The following TAFA1 variants were observed in gnomAD, a reference collection of about 807,000 sequenced individuals.
TAFA1 encodes TAFA chemokine like family member 1, also known as chemokine-like protein TAFA-1.
Under a neutral mutation model 18.5 loss-of-function variants are expected in TAFA1, and 4 were observed. The ratio of observed to expected loss-of-function variants is 0.22; its 90% CI spans 0.11 to 0.49. The LOEUF is 0.49. TAFA1 is among the 20% of genes least tolerant of loss of function. The pLI, the probability that TAFA1 is intolerant of heterozygous loss-of-function variation, is 0.98. For synonymous variants in TAFA1, 56 were observed against 55.2 expected (o/e 1.01, Z -0.06); for missense variants, 147 against 169.0 (o/e 0.87, Z 0.72).
rs367580466 is a variant in TAFA1 at position 68,046,248 on chromosome 3, AT to A, written c.118+39512del. 2.8e-4 allele frequency among the ~76,000 whole-genome samples: 43 copies of A among 152,036 alleles called. No homozygotes were observed. The South Asian group carries it at 7.7e-3, about 27-fold the overall frequency. On this transcript the variant is annotated intron_variant, in intron 2 of 4. Coordinates refer to ENST00000478136, the MANE Select transcript of TAFA1 (RefSeq NM_213609.4). ...AAAAATTGGAACACAGGTCTAGATGATTTTTTTTGTATTGCTGCCTATATTG... is the reference window on the plus strand; with the variant it reads ...AAAAATTGGAACACAGGTCTAGATGATTTTTTTGTATTGCTGCCTATATTG...
intron 2 of TAFA1, among the ~76,000 whole-genome samples, chr3:68,385,579 C>A (rs144175275): frequency 5.9e-5 from 9 of 152,166 alleles, no homozygotes; most frequent in African/African-American, 2.2e-4. Flanking sequence ...CTGAATAAAT[C>A]CGCATGAAGC....
At position 68,307,925 on chromosome 3, in the gene TAFA1, T is replaced by C. The variant is rs183052560; in HGVS notation, c.119-109355T>C. ...CTTGTTACCTCACTGGTTTCTAATATGACTGTTTAAGCCTTCTTAAGTGTT... is the reference window on the plus strand; with the variant it reads ...CTTGTTACCTCACTGGTTTCTAATACGACTGTTTAAGCCTTCTTAAGTGTT... On this transcript the variant is annotated intron_variant, in intron 2 of 4. Transcript: ENST00000478136. Among the ~76,000 whole-genome samples, 551 of 152,284 alleles carry C rather than the reference T, an allele frequency of 3.6e-3. 4 individuals carry two copies. The highest frequency in any genetic ancestry group is 0.013 in the African/African-American group (529 of 41,576).
At chr3:68,437,716 C>T (rs1042458821) in intron 3 of TAFA1, among the ~76,000 whole-genome samples, 1 of 152,082 alleles carries the variant, frequency 6.6e-6, no homozygotes, top group Non-Finnish European at 1.5e-5. Flanking sequence ...CCCTTAAAGG[C>T]CCCACCTGTC....
intron 2 of TAFA1, among the ~76,000 whole-genome samples, chr3:68,143,263 C>T (rs1372545708): frequency 1.3e-5 from 2 of 152,140 alleles, no homozygotes; most frequent in Non-Finnish European, 2.9e-5. Context: ...CCTCATGGCA[C>T]TTACTGTCTA....
rs147572393 is a variant in TAFA1 at position 68,467,149 on chromosome 3, G to A, written c.259+49729G>A. 6.8e-3 allele frequency among the ~76,000 whole-genome samples: 1,033 copies of A among 152,200 alleles called. 3 individuals are homozygous for A. The highest frequency in any genetic ancestry group is 0.024 in the Middle Eastern group (7 of 294). On this transcript the variant is annotated intron_variant, in intron 3 of 4. Transcript: ENST00000478136. ...TTATCTCCCTTGTTCCCTGAAAATC[G>A]CTGTTATCCTGTTTTTAAGGTGCCC...
chr3:68,488,251 C>G (rs1285284952), intron 3 of TAFA1, among the ~76,000 whole-genome samples: 2 of 152,136 alleles, frequency 1.3e-5, no homozygotes, highest in Non-Finnish European at 2.9e-5. Context: ...GTCCGATGTT[C>G]AAGGGCAGGA....
At chr3:68,224,244 A>G (rs901795462) in intron 2 of TAFA1, among the ~76,000 whole-genome samples, 2 of 152,132 alleles carry the variant, frequency 1.3e-5, no homozygotes, top group African/African-American at 4.8e-5. Context: ...GACTAAGAAG[A>G]GTACTGACAT....
At chr3:68,225,960 T>C (rs1283656580) in intron 2 of TAFA1, among the ~76,000 whole-genome samples, 1 of 152,136 alleles carries the variant, frequency 6.6e-6, no homozygotes, top group Non-Finnish European at 1.5e-5. Context: ...TATACATAAA[T>C]TTATAGCCTG....
chr3:68,461,373 ATATATATGTATG>A (rs1476516607), intron 3 of TAFA1, among the ~76,000 whole-genome samples: 1 of 142,862 alleles, frequency 7.0e-6, no homozygotes, highest in Non-Finnish European at 1.5e-5. Flanking sequence ...ATATATATAT[ATATATATGTATG>A]TATGTATATA....
chr3:68,000,168 T>A (rs1274324576), upstream of TAFA1, among the ~76,000 whole-genome samples: 2 of 152,216 alleles, frequency 1.3e-5, no homozygotes, highest in Non-Finnish European at 2.9e-5. Context: ...TTGATTCATT[T>A]ATTATTATTC....
At chr3:68,438,909 G>T (rs543526688) in intron 3 of TAFA1, among the ~76,000 whole-genome samples, 7 of 152,186 alleles carry the variant, frequency 4.6e-5, no homozygotes, top group African/African-American at 1.7e-4. Flanking sequence ...AAAGTGTCGT[G>T]GTATCCCTGA....
chr3:68,475,877 T>C (rs2072084537), intron 3 of TAFA1, among the ~76,000 whole-genome samples: 1 of 152,194 alleles, frequency 6.6e-6, no homozygotes, highest in South Asian at 2.1e-4. Flanking sequence ...TGGTATCTCA[T>C]TGTGGTTTTA....
intron 3 of TAFA1, among the ~76,000 whole-genome samples, chr3:68,504,286 T>C (rs1304194686): frequency 6.6e-6 from 1 of 152,098 alleles, no homozygotes; most frequent in Non-Finnish European, 1.5e-5. Context: ...TGCTAGACCT[T>C]TGTGTTGAAA....
rs75413339 is a variant in TAFA1, at chr3:68,095,381, C to T, written c.118+88637C>T. On this transcript the variant is annotated intron_variant, in intron 2 of 4. Coordinates refer to ENST00000478136, the MANE Select transcript of TAFA1 (RefSeq NM_213609.4). ...TTTTTGCAAAGAGATACCCTTGCTT[C>T]GTGCTATTCAAGCCTGTAGGCACTC... 9.8e-3 allele frequency among the ~76,000 whole-genome samples: 1,489 copies of T among 152,220 alleles called. 25 individuals are homozygous for T. The highest frequency in any genetic ancestry group is 0.033 in the African/African-American group (1,363 of 41,546).
chr3:68,494,878 C>T (rs2072518005), intron 3 of TAFA1, among the ~76,000 whole-genome samples: 1 of 152,148 alleles, frequency 6.6e-6, no homozygotes, highest in African/African-American at 2.4e-5. Context: ...TAAAAATGAT[C>T]AATTTTGTTT....
chr3:68,160,970 C>G (rs1370099372), intron 2 of TAFA1, among the ~76,000 whole-genome samples: 1 of 150,664 alleles, frequency 6.6e-6, no homozygotes, highest in Non-Finnish European at 1.5e-5. Flanking sequence ...TGCAAATACC[C>G]AGGGCGTTAA....
chr3:68,109,910 G>A (rs1410890516), intron 2 of TAFA1, among the ~76,000 whole-genome samples: 1 of 152,152 alleles, frequency 6.6e-6, no homozygotes, highest in African/African-American at 2.4e-5. Flanking sequence ...TTTTTAAACT[G>A]CAGAGCCTCA....
intron 2 of TAFA1, among the ~76,000 whole-genome samples, chr3:68,058,813 C>T (rs2106720442): frequency 6.6e-6 from 1 of 152,064 alleles, no homozygotes; most frequent in Middle Eastern, 3.4e-3. Context: ...TAGAAAAAGG[C>T]TTGTATAACG....
intron 3 of TAFA1, among the ~76,000 whole-genome samples, chr3:68,438,338 C>T (rs1157592374): frequency 1.3e-5 from 2 of 152,076 alleles, no homozygotes; most frequent in African/African-American, 4.8e-5. Context: ...GCCCAGGAAA[C>T]AGAGTGAGAC....
Sources: gnomAD v4.1 joint callset for allele counts (sites outside exome capture counted in the v4.1 genomes callset) on GRCh38, gnomAD v4.1.1 for gene constraint, MANE v1.5 for transcripts, NCBI Gene and HGNC (gene_info 2026-07-23, HGNC 2026-07-21) for gene names.